Variants in INTS9 observed in about 807,000 individuals in gnomAD.
INTS9 encodes the protein protein related to CPSF subunits of 74 kDa.
In INTS9, 55 loss-of-function variants were observed where a neutral mutation model predicts 79.7. The observed-to-expected ratio is 0.69, with a 90% confidence interval of 0.56 to 0.86. The LOEUF (loss-of-function observed/expected upper bound fraction) is 0.86, where lower values mean the gene tolerates loss of function less well. Ranked by LOEUF, INTS9 falls within the 40% of genes least tolerant of loss-of-function variation. The probability of loss-of-function intolerance (pLI) is 0.00; values close to 1 mark genes in which losing one functional copy is unlikely to be tolerated. For missense variants in INTS9, 721 were observed against 831.5 expected, an observed-to-expected ratio of 0.87 and a Z score of 1.64; for synonymous variants, 319 against 325.2, an observed-to-expected ratio of 0.98 and a Z score of 0.20.
chr8:28,862,208 T>A, intron 1 of INTS9: 6 of 985,316 alleles, frequency 6.1e-6, no homozygotes, highest in Non-Finnish European at 7.2e-6. Flanking sequence ...CTGAGGGTTA[T>A]GAGACTAAGG....
Position 28,794,001 on chromosome 8 carries a change from T to A in INTS9, c.857-14A>T. 1 of 1,526,402 alleles carries A rather than the reference T, an allele frequency of 6.6e-7. No homozygotes were observed. Among genetic ancestry groups the A allele is most frequent in the Non-Finnish European group, 8.9e-7 (1 of 1,128,872 alleles). 94.6% of individuals were successfully genotyped at this position (1,526,402 alleles called of 1,614,324 possible). ...GGACTGTCAGAGCTAGAAAAGTGGA[T>A]GCCAGAGGAGAAAAAACATCATATC... is the stretch of plus-strand genomic sequence containing the variant. On this transcript the variant is annotated splice_polypyrimidine_tract_variant and intron_variant, in intron 9 of 16. Transcript: ENST00000521022.
chr8:28,855,705 C>T lies in INTS9; in HGVS notation c.137+3731G>A, dbSNP rs367820973. Among the ~76,000 whole-genome samples, 22 of 152,244 alleles carry T rather than the reference C, an allele frequency of 1.4e-4. No individual in the cohort carries two copies. The South Asian group carries it at 3.9e-3, about 27-fold the overall frequency. On this transcript the variant is annotated intron_variant, in intron 2 of 16. Transcript: ENST00000521022. Reference sequence around the variant, plus strand: ...TTACCATTTTTCTCTTTTGCTATAACGGGTTACATAGTGAATTATGACTTG... The same window carrying T: ...TTACCATTTTTCTCTTTTGCTATAATGGGTTACATAGTGAATTATGACTTG...
intron 11 of INTS9, among the ~76,000 whole-genome samples, chr8:28,785,801 G>A (rs1803549976): frequency 6.6e-6 from 1 of 152,122 alleles, no homozygotes; most frequent in African/African-American, 2.4e-5. Flanking sequence ...ATTTCTTTCT[G>A]TATCTACATA....
intron 6 of INTS9, among the ~76,000 whole-genome samples, chr8:28,832,992 C>A (rs1257794506): frequency 6.6e-6 from 1 of 151,882 alleles, no homozygotes; most frequent in East Asian, 1.9e-4. Flanking sequence ...CCACTACCTA[C>A]CTATCTACCT....
chr8:28,807,280 A>G (rs1293643921), intron 8 of INTS9, among the ~76,000 whole-genome samples: 1 of 152,300 alleles, frequency 6.6e-6, no homozygotes, highest in East Asian at 1.9e-4. Context: ...AGGTCCAGAC[A>G]GTTTTATGGA....
chr8:28,793,889 C>T lies in INTS9; in HGVS notation c.955G>A (p.Ala319Thr), dbSNP rs1297051151. ...TAGAGGGGGACGCTGGAAAGCCCGGCTGAGTCGATGTACTGATATAGGCAC... is the reference window on the plus strand; with the variant it reads ...TAGAGGGGGACGCTGGAAAGCCCGGTTGAGTCGATGTACTGATATAGGCAC... ...LECLYQYIDS[A>T]GLSSVPLYFI... Residue 319 changes from alanine to threonine, a missense_variant, in exon 10 of 17, where the codon GCC (alanine) becomes ACC (threonine). Ala to Thr is a moderately conservative substitution (Grantham distance 58, BLOSUM62 0). Around this residue, in one of 3 missense-constraint regions of INTS9, gnomAD observed 149 missense variants for 223.7 expected, o/e 0.67. Transcript: ENST00000521022. 2 of 1,613,998 alleles carry T rather than the reference C, an allele frequency of 1.2e-6. No homozygotes were observed. The highest frequency in any genetic ancestry group is 1.7e-6 in the Non-Finnish European group (2 of 1,179,984).
chr8:28,785,244 A>G (rs73669446), intron 11 of INTS9, among the ~76,000 whole-genome samples: 7,230 of 152,306 alleles, frequency 0.047, 544 homozygotes, highest in African/African-American at 0.16. Flanking sequence ...TGTAATAAAC[A>G]TGACTTTTGT....
intron 1 of INTS9, among the ~76,000 whole-genome samples, chr8:28,880,258 CT>C: frequency 7.1e-6 from 1 of 141,432 alleles, no homozygotes; most frequent in Admixed American, 7.3e-5. Context: ...CCCTCTCCCT[CT>C]CCCTCTCCCT....
At chr8:28,801,515 A>C (rs1804526097) in intron 8 of INTS9, among the ~76,000 whole-genome samples, 1 of 151,556 alleles carries the variant, frequency 6.6e-6, no homozygotes, top group Non-Finnish European at 1.5e-5. Flanking sequence ...ACAAAAAAAC[A>C]AAAAAAACCC....
intron 8 of INTS9, among the ~76,000 whole-genome samples, chr8:28,803,038 T>TA (rs1202365998): frequency 2.0e-5 from 3 of 151,768 alleles, no homozygotes; most frequent in Non-Finnish European, 4.4e-5. Flanking sequence ...TCTGAGCCCA[T>TA]AGAGTTTGAG....
intron 8 of INTS9, among the ~76,000 whole-genome samples, chr8:28,811,665 C>A (rs1038344676): frequency 1.3e-5 from 2 of 152,106 alleles, no homozygotes; most frequent in African/African-American, 4.8e-5. Context: ...AAGCAGTTAT[C>A]CCATTTCGGC....
intron 1 of INTS9, among the ~76,000 whole-genome samples, chr8:28,880,854 C>T (rs1211952344): frequency 1.3e-5 from 2 of 148,498 alleles, no homozygotes; most frequent in African/African-American, 5.0e-5. Context: ...AAGTGAGGAG[C>T]GTCTCTGCCC....
chr8:28,769,629 T>C (rs759002097), intron 16 of INTS9: 25 of 441,284 alleles, frequency 5.7e-5, no homozygotes, highest in Non-Finnish European at 8.5e-5. Context: ...ACTCGTCACA[T>C]GTGTGTGTGG....
intron 10 of INTS9, among the ~76,000 whole-genome samples, chr8:28,788,958 G>A (rs1803771920): frequency 6.6e-6 from 1 of 152,138 alleles, no homozygotes; most frequent in Non-Finnish European, 1.5e-5. Flanking sequence ...CTACTTTGAG[G>A]GGAGGAGCTC....
Position 28,780,860 on chromosome 8 carries a change from G to C in INTS9, c.1233C>G (p.Leu411=). 1 of 1,614,070 alleles carries C rather than the reference G, an allele frequency of 6.2e-7. No homozygotes were observed. Among genetic ancestry groups the C allele is most frequent in the Non-Finnish European group, 8.5e-7 (1 of 1,180,002 alleles). ...RFGDVVHFME[L]WGKSSLNTVI... is the part of the protein sequence containing the mutation. Reference sequence around the variant, plus strand: ...CGGTATTGAGACTAGATTTTCCCCAGAGCTCCATGAAGTGGACCACGTCCC... The same window carrying C: ...CGGTATTGAGACTAGATTTTCCCCACAGCTCCATGAAGTGGACCACGTCCC... The change falls in exon 12 of 17, where the codon CTC becomes CTG. Residue 411 remains leucine (L), a synonymous_variant. Transcript: ENST00000521022.
chr8:28,777,965 A>T lies in INTS9; in HGVS notation c.1271-12T>A, dbSNP rs1033270433. 1.3e-6 allele frequency: 2 copies of T among 1,599,584 alleles called. No individual in the cohort carries two copies. The highest frequency in any genetic ancestry group is 1.7e-6 in the Non-Finnish European group (2 of 1,174,166). ...GGAGAAGTCTGGTTCTAGGGAAAGT[A>T]CAAGAAAGAAATCTTACAATGCAGA... On this transcript the variant is annotated splice_polypyrimidine_tract_variant and intron_variant, in intron 12 of 16. Coordinates refer to ENST00000521022, the MANE Select transcript of INTS9 (RefSeq NM_018250.4).
chr8:28,781,939 G>C (rs981946265), intron 11 of INTS9, among the ~76,000 whole-genome samples: 1 of 152,160 alleles, frequency 6.6e-6, no homozygotes, highest in Non-Finnish European at 1.5e-5. Flanking sequence ...TTGGGCGAGA[G>C]TGACGTGTCA....
intron 15 of INTS9, among the ~76,000 whole-genome samples, chr8:28,770,714 C>T (rs1802478780): frequency 1.3e-5 from 2 of 152,226 alleles, no homozygotes; most frequent in African/African-American, 4.8e-5. Context: ...TTCCAGCCCC[C>T]AAGGGCAGGG....
At position 28,775,940 on chromosome 8, in the gene INTS9, G is replaced by T. The variant is rs982756388; in HGVS notation, c.1396-14C>A. ...CACGTGCAGGGGCTGAGGAACCAATGGGACAGTTGAGAAAGGTGGTGTGAA... is the reference window on the plus strand; with the variant it reads ...CACGTGCAGGGGCTGAGGAACCAATTGGACAGTTGAGAAAGGTGGTGTGAA... On this transcript the variant is annotated splice_polypyrimidine_tract_variant and intron_variant, in intron 13 of 16. Transcript: ENST00000521022. The T allele has an allele frequency of 4.7e-5, 72 of 1,532,984 alleles. No individual in the cohort carries two copies. Among genetic ancestry groups the T allele is most frequent in the Non-Finnish European group, 6.1e-5 (70 of 1,139,436 alleles). 95.0% of individuals were successfully genotyped at this position (1,532,984 alleles called of 1,614,324 possible).
Sources: gnomAD v4.1 joint callset for allele counts (sites outside exome capture counted in the v4.1 genomes callset) on GRCh38, gnomAD v4.1.1 for gene constraint, gnomAD v4.1.1 regional missense constraint, MANE v1.5 for transcripts, NCBI Gene and HGNC (gene_info 2026-07-23, HGNC 2026-07-21) for gene names.